The following RALGAPA1 variants were observed in gnomAD, a reference collection of about 807,000 sequenced individuals.
The protein encoded by RALGAPA1 is ral GTPase-activating protein subunit alpha-1.
Under a neutral mutation model 269.6 loss-of-function variants are expected in RALGAPA1, and 52 were observed. The observed-to-expected ratio is 0.19, with a 90% confidence interval of 0.15 to 0.24. The LOEUF (loss-of-function observed/expected upper bound fraction) is 0.24. Ranked by LOEUF, RALGAPA1 falls within the 10% of genes least tolerant of loss-of-function variation. The probability of loss-of-function intolerance (pLI) is 1.00; values close to 1 mark genes in which losing one functional copy is unlikely to be tolerated. For synonymous variants in RALGAPA1, 817 were observed against 1,008.3 expected, an observed-to-expected ratio of 0.81 and a Z score of 3.60; for missense variants, 1,917 against 3,013.9, an observed-to-expected ratio of 0.64 and a Z score of 8.52.
chr14:35,673,552 C>T (rs28479649), intron 24 of RALGAPA1, among the ~76,000 whole-genome samples: 2,360 of 152,108 alleles, frequency 0.016, 50 homozygotes, highest in African/African-American at 0.052. Context: ...TGAGTGAGGC[C>T]CTGTCTTTTA....
intron 35 of RALGAPA1, among the ~76,000 whole-genome samples, chr14:35,612,826 C>G (rs2060040978): frequency 6.6e-6 from 1 of 152,066 alleles, no homozygotes; most frequent in Non-Finnish European, 1.5e-5. Flanking sequence ...GTGTGAGCCA[C>G]CGTGCCCGGC....
intron 1 of RALGAPA1, among the ~76,000 whole-genome samples, chr14:35,787,760 T>A (rs2075893836): frequency 1.3e-5 from 2 of 149,732 alleles, no homozygotes. Context: ...AAAAAAAAAG[T>A]TGTAGAGATG....
intron 17 of RALGAPA1, among the ~76,000 whole-genome samples, chr14:35,690,530 C>G (rs2066389102): frequency 6.6e-6 from 1 of 152,188 alleles, no homozygotes; most frequent in Admixed American, 6.5e-5. Context: ...CTACCCTCTT[C>G]CTAAATTTCT....
intron 1 of RALGAPA1, among the ~76,000 whole-genome samples, chr14:35,792,520 T>C (rs567520303): frequency 2.0e-5 from 3 of 152,122 alleles, no homozygotes; most frequent in Non-Finnish European, 4.4e-5. Context: ...TGGTGGCTCA[T>C]GCCTGTAATC....
chr14:35,736,282 C>G (rs139788095), intron 12 of RALGAPA1, among the ~76,000 whole-genome samples: 1 of 152,236 alleles, frequency 6.6e-6, no homozygotes, highest in African/African-American at 2.4e-5. Context: ...GCAGGAAAAG[C>G]ACTCAAATTT....
chr14:35,711,408 G>A (rs1002828213), intron 16 of RALGAPA1, among the ~76,000 whole-genome samples: 4 of 151,870 alleles, frequency 2.6e-5, no homozygotes, highest in Non-Finnish European at 5.9e-5. Context: ...TTTTTTAGTG[G>A]TTGCCCCTGA....
At chr14:35,750,415 G>T in intron 9 of RALGAPA1, 67 bp downstream of exon 9, 1 of 1,200,506 alleles carries the variant, frequency 8.3e-7, no homozygotes, top group Non-Finnish European at 1.2e-6. Flanking sequence ...TAAGGCAACT[G>T]AACTCAATGG....
In RALGAPA1 at chr14:35,721,702, C is replaced by A. The variant is rs774617805; in HGVS notation, c.2252G>T (p.Arg751Leu). The A allele has an allele frequency of 9.9e-6, 16 of 1,610,754 alleles. No homozygotes were observed. Among genetic ancestry groups the A allele is most frequent in the Non-Finnish European group, 1.4e-5 (16 of 1,178,980 alleles). ...PGTEKARSIV[R>L]QKTVAMRSRS... ...AGAGTACATACCGACAGTTTTTTGC[C>A]GTACTATACTCCTCGCCTTTTCGGT... is the stretch of plus-strand genomic sequence containing the variant. Residue 751 changes from arginine to leucine, a missense_variant, in exon 16 of 42, where the codon CGG becomes CTG. Arg to Leu is a moderately radical substitution (Grantham distance 102). Transcript: ENST00000680220.
intron 36 of RALGAPA1, 103 bp from the exon 37 acceptor site, chr14:35,595,892 CT>C: frequency 1.2e-6 from 1 of 821,812 alleles, no homozygotes; most frequent in South Asian, 1.8e-5. Context: ...GGAACAAAGT[CT>C]TTTGCATGTT....
chr14:35,587,579 T>C (rs2058379239), intron 37 of RALGAPA1, among the ~76,000 whole-genome samples: 1 of 152,138 alleles, frequency 6.6e-6, no homozygotes, highest in Non-Finnish European at 1.5e-5. Context: ...GGGACATGGA[T>C]GAAGCTGGAA....
Position 35,552,729 on chromosome 14 carries a change from A to T in RALGAPA1, c.7497-3495T>A, listed in dbSNP as rs569443103. ...ACAGAACTAGCCAATCAAAAAAAAA[A>T]AAAAAATAACACACAGGTGCTGCAA... On this transcript the variant is annotated intron_variant, in intron 39 of 41. Transcript: ENST00000680220. Among the ~76,000 whole-genome samples the T allele has an allele frequency of 2.8e-3, 424 of 152,152 alleles. 7 individuals carry two copies. The highest frequency in any genetic ancestry group is 9.5e-3 in the African/African-American group (395 of 41,546).
intron 31 of RALGAPA1, among the ~76,000 whole-genome samples, chr14:35,649,289 T>A (rs2062660275): frequency 6.6e-6 from 1 of 152,218 alleles, no homozygotes; most frequent in Non-Finnish European, 1.5e-5. Flanking sequence ...ACGTCATCAA[T>A]TCTTATAAAG....
intron 39 of RALGAPA1, 23 bp downstream of exon 39, chr14:35,570,594 C>A: frequency 6.3e-7 from 1 of 1,583,258 alleles, no homozygotes; most frequent in Non-Finnish European, 8.6e-7. Flanking sequence ...AGAGTAGAAA[C>A]CATTACATTA....
chr14:35,640,508 T>C (rs2061957478), intron 31 of RALGAPA1, among the ~76,000 whole-genome samples: 1 of 152,134 alleles, frequency 6.6e-6, no homozygotes, highest in Admixed American at 6.5e-5. Flanking sequence ...GATAAACTCC[T>C]AGACACATAA....
At chr14:35,737,826 C>T (rs140789622) in intron 12 of RALGAPA1, among the ~76,000 whole-genome samples, 2 of 137,218 alleles carry the variant, frequency 1.5e-5, no homozygotes, top group African/African-American at 5.6e-5. Flanking sequence ...GTGGCTCACA[C>T]CTATAATCCC....
chr14:35,732,469 T>C (rs918682308), intron 12 of RALGAPA1, among the ~76,000 whole-genome samples: 1 of 152,176 alleles, frequency 6.6e-6, no homozygotes, highest in African/African-American at 2.4e-5. Flanking sequence ...AACTGTAGAA[T>C]GGATAAGAAC....
intron 16 of RALGAPA1, chr14:35,716,042 T>C: frequency 1.0e-6 from 1 of 984,948 alleles, no homozygotes; most frequent in Non-Finnish European, 1.2e-6. Context: ...ATGTAATGAC[T>C]TTTTAAAAAG....
At chr14:35,652,703 C>A (rs903024739) in intron 30 of RALGAPA1, among the ~76,000 whole-genome samples, 1 of 151,978 alleles carries the variant, frequency 6.6e-6, no homozygotes, top group African/African-American at 2.4e-5. Context: ...CCGTGCCCAG[C>A]CAAATGTGGC....
intron 6 of RALGAPA1, among the ~76,000 whole-genome samples, chr14:35,760,244 A>G (rs2073586072): frequency 6.6e-6 from 1 of 152,150 alleles, no homozygotes; most frequent in Non-Finnish European, 1.5e-5. Context: ...CTCTAGAGTG[A>G]ATATGTCCTT....
Sources: gnomAD v4.1 joint callset for allele counts (sites outside exome capture counted in the v4.1 genomes callset) on GRCh38, gnomAD v4.1.1 for gene constraint, MANE v1.5 for transcripts, NCBI Gene and HGNC (gene_info 2026-07-23, HGNC 2026-07-21) for gene names.